Variants in KPNA6 observed in about 807,000 individuals in gnomAD.
KPNA6 encodes the protein importin subunit alpha-7.
KPNA6 carries 9 observed loss-of-function variants against 72.0 expected under a neutral mutation model. That is an observed-to-expected ratio of 0.13 (90% CI 0.08 to 0.22). KPNA6 has a LOEUF of 0.22. Among genes scored for constraint, KPNA6 ranks in the 10% least tolerant of loss-of-function variants. The pLI is 1.00. For missense variants in KPNA6, 374 were observed against 655.7 expected (o/e 0.57, Z 4.69); for synonymous variants, 219 against 242.1 (o/e 0.90, Z 0.89).
intron 9 of KPNA6, 51 bp downstream of exon 9, chr1:32,162,575 G>C: frequency 6.3e-7 from 1 of 1,598,240 alleles, no homozygotes; most frequent in Non-Finnish European, 8.6e-7. Context: ...GGTGGCTTAT[G>C]CTTATAATCC....
chr1:32,115,285 G>A (rs1161609246), intron 1 of KPNA6, among the ~76,000 whole-genome samples: 2 of 151,706 alleles, frequency 1.3e-5, no homozygotes, highest in African/African-American at 4.8e-5. Flanking sequence ...ACAGGCGCCC[G>A]CTACCACGCC....
intron 1 of KPNA6, among the ~76,000 whole-genome samples, chr1:32,124,414 G>A (rs1474084561): frequency 2.0e-5 from 3 of 151,656 alleles, no homozygotes; most frequent in African/African-American, 7.3e-5. Context: ...GATGGCTCAC[G>A]CCTATAATCC....
intron 1 of KPNA6, among the ~76,000 whole-genome samples, chr1:32,150,355 A>G (rs961204714): frequency 2.0e-5 from 3 of 151,506 alleles, no homozygotes; most frequent in Non-Finnish European, 4.4e-5. Context: ...CTGGTCTGGA[A>G]CTCCTGGCCT....
chr1:32,134,679 T>C (rs932417937), intron 1 of KPNA6, among the ~76,000 whole-genome samples: 2 of 150,784 alleles, frequency 1.3e-5, no homozygotes, highest in Admixed American at 6.6e-5. Flanking sequence ...TGTACTGATA[T>C]ATGTTAAAAC....
intron 1 of KPNA6, among the ~76,000 whole-genome samples, chr1:32,128,500 G>A (rs1454777129): frequency 6.9e-6 from 1 of 144,786 alleles, no homozygotes; most frequent in Non-Finnish European, 1.5e-5. Context: ...ATAGTCATGT[G>A]TACAGGAGAT....
chr1:32,158,171 G>A, intron 4 of KPNA6, 96 bp from the exon 5 acceptor site: 1 of 727,460 alleles, frequency 1.4e-6, no homozygotes, highest in Non-Finnish European at 2.4e-6. Flanking sequence ...TTGTAAGGGT[G>A]GTCAGAAGTG....
chr1:32,132,320 A>G (rs1320742590), intron 1 of KPNA6, among the ~76,000 whole-genome samples: 1 of 151,894 alleles, frequency 6.6e-6, no homozygotes. Flanking sequence ...TTTGTTTGAG[A>G]CAGTATCTCA....
At position 32,165,984 on chromosome 1, in the gene KPNA6, C is replaced by T. The variant is rs528002811; in HGVS notation, c.991-121C>T. ...TTGCACTCCAGCCTGGGCGTCAGAG[C>T]GAGACTCTGTCTCAAAAAAAAAAAC... is the stretch of plus-strand genomic sequence containing the variant. On this transcript the variant is annotated intron_variant, in intron 10 of 13. Transcript: ENST00000373625. 26 of 1,127,470 alleles carry T rather than the reference C, an allele frequency of 2.3e-5. No individual in the cohort carries two copies. The South Asian group carries it at 4.1e-4, about 18-fold the overall frequency. 69.8% of individuals were successfully genotyped at this position (1,127,470 alleles called of 1,614,324 possible). A position where few individuals can be genotyped will look rare whatever the true frequency, so the allele number is the denominator to read the frequency against.
chr1:32,117,846 T>C (rs928798183), intron 1 of KPNA6, among the ~76,000 whole-genome samples: 2 of 152,264 alleles, frequency 1.3e-5, no homozygotes, highest in African/African-American at 4.8e-5. Flanking sequence ...GGGCTGTTTG[T>C]ACATAAGCAT....
chr1:32,168,092 C>G (rs1351185567), intron 12 of KPNA6, among the ~76,000 whole-genome samples: 1 of 152,142 alleles, frequency 6.6e-6, no homozygotes, highest in East Asian at 1.9e-4. Context: ...CACCTGAGCC[C>G]AGGAGGTCAC....
chr1:32,155,915 A>ATTTTTTTTTTTTTTTT (rs747284319), intron 2 of KPNA6, among the ~76,000 whole-genome samples: 1 of 105,050 alleles, frequency 9.5e-6, no homozygotes, highest in African/African-American at 3.8e-5. Context: ...ATTTTTGTGG[A>ATTTTTTTTTTTTTTTT]TTTTTTTTTT....
chr1:32,141,124 A>G (rs1287898482), intron 1 of KPNA6, among the ~76,000 whole-genome samples: 1 of 152,210 alleles, frequency 6.6e-6, no homozygotes, highest in East Asian at 1.9e-4. Context: ...GTCTAGGGTG[A>G]GAATTCATTG....
chr1:32,158,720 C>T (rs1642187280), intron 5 of KPNA6, among the ~76,000 whole-genome samples: 1 of 152,208 alleles, frequency 6.6e-6, no homozygotes, highest in African/African-American at 2.4e-5. Context: ...GAAAGCCCTA[C>T]TTCCAAGAAA....
rs757101037 is a variant in KPNA6, at chr1:32,162,311, C to T, written c.748-50C>T. 2.0e-5 allele frequency: 30 copies of T among 1,506,942 alleles called. No homozygotes were observed. In the South Asian group the frequency reaches 3.0e-4, roughly 15 times the overall value. The allele number at this position is 1,506,942 out of a possible 1,614,324, so 93.3% of individuals were successfully genotyped here. On this transcript the variant is annotated intron_variant, in intron 8 of 13. Coordinates refer to ENST00000373625, the MANE Select transcript of KPNA6 (RefSeq NM_012316.5). ...TGCAATGTTAGGGTTCGTGATAGAG[C>T]TGATATAGTCTTGTTCCCCTGTGAG... is the stretch of plus-strand genomic sequence containing the variant.
intron 1 of KPNA6, among the ~76,000 whole-genome samples, chr1:32,124,631 T>G (rs1157228917): frequency 1.3e-5 from 2 of 151,364 alleles, no homozygotes; most frequent in Non-Finnish European, 2.9e-5. Flanking sequence ...CTCAACCTCC[T>G]GAGTAGCTGG....
chr1:32,162,238 C>T, intron 8 of KPNA6, 123 bp from the exon 9 acceptor site: 1 of 1,033,246 alleles, frequency 9.7e-7, no homozygotes, highest in Non-Finnish European at 1.4e-6. Flanking sequence ...TAGTAGCGAT[C>T]CCTAGGGTCT....
intron 1 of KPNA6, among the ~76,000 whole-genome samples, chr1:32,144,098 A>G (rs915468880): frequency 1.3e-5 from 2 of 152,194 alleles, no homozygotes; most frequent in African/African-American, 4.8e-5. Flanking sequence ...TAAATTAGGC[A>G]CAATAAGAGA....
At chr1:32,110,166 GC>G (rs1641221706) in intron 1 of KPNA6, among the ~76,000 whole-genome samples, 4 of 147,722 alleles carry the variant, frequency 2.7e-5, no homozygotes, top group African/African-American at 7.5e-5. Flanking sequence ...CCGGGTTAAA[GC>G]AATTTTCCTG....
At chr1:32,141,375 C>CTTTTTTTTTTTTTTTTTTTT (rs71006334) in intron 1 of KPNA6, among the ~76,000 whole-genome samples, 3 of 54,478 alleles carry the variant, frequency 5.5e-5, no homozygotes, top group African/African-American at 6.6e-5. Flanking sequence ...TAAGTTAATC[C>CTTTTTTTTTTTTTTTTTTTT]TTTTTTTTTT....
Sources: allele counts gnomAD v4.1 joint callset (sites outside exome capture counted in the v4.1 genomes callset), GRCh38; gene constraint gnomAD v4.1.1; transcripts MANE v1.5; gene names NCBI Gene and HGNC (gene_info 2026-07-23, HGNC 2026-07-21).